PCDHA4: variants seen among roughly 807,000 people sequenced by gnomAD.
The protein encoded by PCDHA4 is protocadherin alpha 4.
Under a neutral mutation model 61.4 loss-of-function variants are expected in PCDHA4, and 49 were observed. The observed-to-expected ratio is 0.80, with a 90% CI of 0.63 to 1.01. The LOEUF is 1.01. Among genes scored for constraint, PCDHA4 ranks in the 50% least tolerant of loss-of-function variants. The probability of loss-of-function intolerance (pLI) is 0.00; values close to 1 mark genes in which losing one functional copy is unlikely to be tolerated. For missense variants in PCDHA4, 1,254 were observed against 1,235.8 expected, an observed-to-expected ratio of 1.01 and a Z score of -0.22; for synonymous variants, 590 against 550.3, an observed-to-expected ratio of 1.07 and a Z score of -1.01.
chr5:140,829,777 G>T (rs1554132235), intron 1 of PCDHA4: 4 of 1,613,626 alleles, frequency 2.5e-6, no homozygotes, highest in African/African-American at 1.3e-5. Context: ...ACGACAACGC[G>T]CCGGCGCTGC....
At chr5:140,862,877 G>T in intron 1 of PCDHA4, 1 of 567,556 alleles carries the variant, frequency 1.8e-6, no homozygotes. Flanking sequence ...CCAGGTATTA[G>T]TGCTGGAACG....
chr5:140,842,014 A>G (rs2150327358), intron 1 of PCDHA4: 1 of 1,613,836 alleles, frequency 6.2e-7, no homozygotes. Context: ...TGCTGGTCAC[A>G]GTGCTGGATG....
At chr5:140,852,799 C>A in intron 1 of PCDHA4, 3 of 976,698 alleles carry the variant, frequency 3.1e-6, no homozygotes, top group Non-Finnish European at 3.7e-6. Context: ...CTACAGATGT[C>A]ATTTGTCTCC....
intron 1 of PCDHA4, chr5:140,967,993 T>C (rs372478638): frequency 1.5e-5 from 24 of 1,614,206 alleles, no homozygotes; most frequent in Non-Finnish European, 1.2e-5. Flanking sequence ...CCACACTGCC[T>C]TTCCGACTGA....
At chr5:140,947,134 A>T in intron 1 of PCDHA4, among the ~76,000 whole-genome samples, 1 of 151,648 alleles carries the variant, frequency 6.6e-6, no homozygotes, top group Admixed American at 6.6e-5. Context: ...AAAAATAGTA[A>T]AATGTATAGT....
rs1323301501 is a variant in PCDHA4, at chr5:140,843,782, T to C, written c.2385+34210T>C. 2.1e-6 allele frequency: 3 copies of C among 1,427,592 alleles called. No homozygotes were observed. In the African/African-American group the frequency reaches 4.2e-5, roughly 20 times the overall value. 88.4% of individuals were successfully genotyped at this position (1,427,592 alleles called of 1,614,324 possible). A position where few individuals can be genotyped will look rare whatever the true frequency, so the allele number is the denominator to read the frequency against. On this transcript the variant is annotated intron_variant, in intron 1 of 3. Coordinates refer to ENST00000530339, the MANE Select transcript of PCDHA4 (RefSeq NM_018907.4). ...GAAATTGTAGTTACTTTAAAAGTGT[T>C]TCAGATTTAGTTTTTCACCGTATTT...
Position 140,807,116 on chromosome 5 carries a change from C to T in PCDHA4, c.-72C>T. 1 of 1,524,550 alleles carries T rather than the reference C, an allele frequency of 6.6e-7. No homozygotes were observed. Among genetic ancestry groups the T allele is most frequent in the Non-Finnish European group, 8.9e-7 (1 of 1,121,956 alleles). The allele number at this position is 1,524,550 out of a possible 1,614,324, so 94.4% of individuals were successfully genotyped here. ...ATATGGAGGATGCAGCTGCACTTGA[C>T]TGACCGATTAAAAGATTTCCCTTGA... On this transcript the variant is annotated 5_prime_UTR_variant, in exon 1 of 4. Transcript: ENST00000530339.
At chr5:140,890,313 G>T (rs1191082730) in intron 1 of PCDHA4, among the ~76,000 whole-genome samples, 2 of 152,112 alleles carry the variant, frequency 1.3e-5, no homozygotes, top group South Asian at 2.1e-4. Context: ...ATATTAAGTT[G>T]TTTTAAGATA....
intron 1 of PCDHA4, chr5:140,822,945 C>T: frequency 6.2e-7 from 1 of 1,614,252 alleles, no homozygotes; most frequent in Non-Finnish European, 8.5e-7. Flanking sequence ...CCCTAATGCC[C>T]CACGTTCCCT....
Position 140,849,786 on chromosome 5 carries a change from G to T in PCDHA4, c.2385+40214G>T, listed in dbSNP as rs2150450039. 3 of 1,598,374 alleles carry T rather than the reference G, an allele frequency of 1.9e-6. No individual in the cohort carries two copies. The African/African-American group carries it at 4.0e-5, about 21-fold the overall frequency. On this transcript the variant is annotated intron_variant, in intron 1 of 3. Coordinates refer to ENST00000530339, the MANE Select transcript of PCDHA4 (RefSeq NM_018907.4). ...GCTGGTGGTTACCGCGCGGGACGGG[G>T]GCTCGCCTTCACTGTGGGCCACGGC...
At chr5:140,884,556 G>T in intron 1 of PCDHA4, 1 of 1,614,154 alleles carries the variant, frequency 6.2e-7, no homozygotes, top group Non-Finnish European at 8.5e-7. Context: ...TCTGGGGAGG[G>T]CCCGCATAAG....
At position 140,808,713 on chromosome 5, in the gene PCDHA4, C is replaced by T. The variant is rs538251882; in HGVS notation, c.1526C>T (p.Ser509Leu). 1.7e-5 allele frequency: 28 copies of T among 1,612,214 alleles called. No homozygotes were observed. In the South Asian group the frequency reaches 1.9e-4, roughly 11 times the overall value. Reference sequence around the variant, plus strand: ...GAGCGCGCGCTGTCGAGCTACGTTTCGGTGCATGCGGAGAGCGGCAAGGTG... The same window carrying T: ...GAGCGCGCGCTGTCGAGCTACGTTTTGGTGCATGCGGAGAGCGGCAAGGTG... ...VGERALSSYV[S>L]VHAESGKVYA... The change falls in exon 1 of 4, where the codon TCG becomes TTG. Residue 509 changes from serine (S) to leucine (L), a missense_variant. Transcript: ENST00000530339.
chr5:140,982,475 C>T lies in PCDHA4; in HGVS notation c.2445C>T (p.Ser815=). The change falls in exon 3 of 4, where the codon AGC becomes AGT. Residue 815 remains serine, a splice_region_variant and synonymous_variant. Coordinates refer to ENST00000530339, the MANE Select transcript of PCDHA4 (RefSeq NM_018907.4). ...TATCTGGGTCTGTGTGTTTATTCAG[C>T]TCTGTGCACCTAGAGGAGGCTGGCA... The part of the protein sequence containing the change: ...YSASLRAGMH[S]SVHLEEAGIL... 1 of 1,614,154 alleles carries T rather than the reference C, an allele frequency of 6.2e-7. No homozygotes were observed. Among genetic ancestry groups the T allele is most frequent in the African/African-American group, 1.3e-5 (1 of 75,040 alleles).
intron 1 of PCDHA4, among the ~76,000 whole-genome samples, chr5:140,931,204 A>G (rs782790968): frequency 7.2e-5 from 11 of 152,176 alleles, no homozygotes; most frequent in Non-Finnish European, 1.5e-4. Context: ...CAATGCTAGT[A>G]TTTCAGGTAT....
At chr5:140,863,381 G>T in intron 1 of PCDHA4, 1 of 1,058,634 alleles carries the variant, frequency 9.4e-7, no homozygotes, top group Non-Finnish European at 1.4e-6. Flanking sequence ...CTCACCGAGA[G>T]CTCGTGCATG....
intron 1 of PCDHA4, chr5:140,829,661 G>T: frequency 1.2e-6 from 2 of 1,612,716 alleles, no homozygotes; most frequent in Non-Finnish European, 1.7e-6. Flanking sequence ...GCAGCCGCTG[G>T]ACCACGAGGA....
At position 140,839,681 on chromosome 5, in the gene PCDHA4, G is replaced by T. The variant is rs149210485; in HGVS notation, c.2385+30109G>T. On this transcript the variant is annotated intron_variant, in intron 1 of 3. Coordinates refer to ENST00000530339, the MANE Select transcript of PCDHA4 (RefSeq NM_018907.4). Reference sequence around the variant, plus strand: ...GCTACTATTTAGAGTCAACTACAGAGATTTTTTTGGGTAAATAATGTGATG... The same window carrying T: ...GCTACTATTTAGAGTCAACTACAGATATTTTTTTGGGTAAATAATGTGATG... Among the ~76,000 whole-genome samples the T allele has an allele frequency of 4.2e-3, 640 of 152,116 alleles. 7 individuals are homozygous for T. The highest frequency in any genetic ancestry group is 0.033 in the South Asian group (157 of 4,822).
intron 1 of PCDHA4, among the ~76,000 whole-genome samples, chr5:140,957,571 G>A (rs2095367794): frequency 6.6e-6 from 1 of 152,068 alleles, no homozygotes; most frequent in African/African-American, 2.4e-5. Flanking sequence ...AGGGACTACT[G>A]TACTTTTAAC....
At chr5:140,857,407 G>A (rs372428918) in intron 1 of PCDHA4, 10 of 1,598,382 alleles carry the variant, frequency 6.3e-6, no homozygotes, top group Non-Finnish European at 8.6e-6. Flanking sequence ...ACGCGCCTGC[G>A]TTCGCGCAGT....
Sources: gnomAD v4.1 joint callset for allele counts (sites outside exome capture counted in the v4.1 genomes callset) on GRCh38, gnomAD v4.1.1 for gene constraint, MANE v1.5 for transcripts, NCBI Gene and HGNC (gene_info 2026-07-23, HGNC 2026-07-21) for gene names.